The following ASCC3 variants were observed in gnomAD, a reference collection of about 807,000 sequenced individuals.
The protein encoded by ASCC3 is ASC-1 complex subunit P200.
A neutral mutation model predicts 256.3 loss-of-function variants in ASCC3; 158 were observed. The ratio of observed to expected loss-of-function variants is 0.62; its 90% CI spans 0.54 to 0.70. The LOEUF (loss-of-function observed/expected upper bound fraction) is 0.70, where lower values mean the gene tolerates loss of function less well. ASCC3 is among the 30% of genes least tolerant of loss of function. The pLI, the probability that ASCC3 is intolerant of heterozygous loss-of-function variation, is 0.00. For synonymous variants in ASCC3, 948 were observed against 883.4 expected, an observed-to-expected ratio of 1.07 and a Z score of -1.30; for missense variants, 2,259 against 2,626.0, an observed-to-expected ratio of 0.86 and a Z score of 3.05.
At chr6:100,803,902 C>T (rs527375557) in intron 5 of ASCC3, among the ~76,000 whole-genome samples, 1 of 151,996 alleles carries the variant, frequency 6.6e-6, no homozygotes, top group Non-Finnish European at 1.5e-5. Flanking sequence ...AAATTTCTTA[C>T]GCTCATATAC....
In ASCC3 at chr6:100,644,012, T is replaced by C; in HGVS notation, c.3732+19A>G. ...TTTTACAATAGCAAATAAGGATATA[T>C]TCACATATATACACTTACTTGTTTT... On this transcript the variant is annotated intron_variant, in intron 23 of 41. Coordinates refer to ENST00000369162, the MANE Select transcript of ASCC3 (RefSeq NM_006828.4). The C allele has an allele frequency of 6.5e-7, 1 of 1,538,964 alleles. No individual in the cohort carries two copies. The highest frequency in any genetic ancestry group is 9.0e-7 in the Non-Finnish European group (1 of 1,113,860).
At chr6:100,835,049 A>G (rs941379891) in intron 4 of ASCC3, among the ~76,000 whole-genome samples, 1 of 152,044 alleles carries the variant, frequency 6.6e-6, no homozygotes, top group African/African-American at 2.4e-5. Flanking sequence ...AAAACCATAT[A>G]ATGCATCAGT....
chr6:100,715,480 T>G lies in ASCC3; in HGVS notation c.2133A>C (p.Gln711His), dbSNP rs764796056. 6.2e-7 allele frequency: 1 copy of G among 1,611,472 alleles called. No individual in the cohort carries two copies. The highest frequency in any genetic ancestry group is 1.3e-5 in the African/African-American group (1 of 74,958). ...DEVCYENVLK[Q>H]VKAGHQVMVF... ...AGTGTACCTGGTGTCCAGCCTTTAC[T>G]TGCTTCAAAACATTTTCATAACATA... The change falls in exon 13 of 42, where the codon CAA (glutamine) becomes CAC (histidine). Residue 711 changes from glutamine to histidine, a missense_variant. This residue lies in a region of ASCC3 where 1,839 missense variants were observed against 2,206.7 expected (regional missense o/e 0.83). Transcript: ENST00000369162.
At chr6:100,690,034 C>G (rs1463404363) in intron 13 of ASCC3, among the ~76,000 whole-genome samples, 7 of 152,020 alleles carry the variant, frequency 4.6e-5, no homozygotes, top group African/African-American at 1.4e-4. Flanking sequence ...AAAAATTAAT[C>G]AAATGTATTA....
At chr6:100,864,362 T>G (rs1216090318) in intron 2 of ASCC3, 148 bp from the exon 3 acceptor site, 2 of 647,946 alleles carry the variant, frequency 3.1e-6, no homozygotes, top group Non-Finnish European at 5.1e-6. Context: ...AACTGACTAC[T>G]CACAAAACAA....
chr6:100,656,382 C>T (rs1050167784), intron 16 of ASCC3, among the ~76,000 whole-genome samples: 6 of 151,530 alleles, frequency 4.0e-5, no homozygotes, highest in South Asian at 4.1e-4. Flanking sequence ...CTGTTTTGCA[C>T]GAAACAAAGC....
chr6:100,817,859 T>A (rs1467737342), intron 4 of ASCC3, among the ~76,000 whole-genome samples: 1 of 152,060 alleles, frequency 6.6e-6, no homozygotes, highest in African/African-American at 2.4e-5. Context: ...TAATACTAAT[T>A]CCTCACACTC....
rs140277854 is a variant in ASCC3 at position 100,723,607 on chromosome 6, G to T, written c.1902+1932C>A. Among the ~76,000 whole-genome samples the T allele has an allele frequency of 1.5e-3, 228 of 150,894 alleles. 1 individual carries two copies. Among genetic ancestry groups the T allele is most frequent in the African/African-American group, 5.4e-3 (222 of 41,210 alleles). Reference sequence around the variant, plus strand: ...TTTCCACACTTGAATCTGAATCAGAGGTATTTAGAAAAAAATATAAAGAAT... The same window carrying T: ...TTTCCACACTTGAATCTGAATCAGATGTATTTAGAAAAAAATATAAAGAAT... On this transcript the variant is annotated intron_variant, in intron 11 of 41. Transcript: ENST00000369162.
intron 37 of ASCC3, among the ~76,000 whole-genome samples, chr6:100,531,224 T>C (rs534317326): frequency 2.1e-4 from 32 of 152,294 alleles, no homozygotes; most frequent in African/African-American, 6.5e-4. Flanking sequence ...ATTCTTCTAA[T>C]GGTGGTTTGG....
At chr6:100,695,896 C>A (rs1778058318) in intron 13 of ASCC3, among the ~76,000 whole-genome samples, 1 of 152,132 alleles carries the variant, frequency 6.6e-6, no homozygotes, top group Non-Finnish European at 1.5e-5. Flanking sequence ...ACGGTCTGTA[C>A]CCTGACCCAG....
At chr6:100,762,302 T>C (rs900846676) in intron 10 of ASCC3, among the ~76,000 whole-genome samples, 3 of 152,118 alleles carry the variant, frequency 2.0e-5, no homozygotes, top group Non-Finnish European at 4.4e-5. Flanking sequence ...TCAGAGCAAA[T>C]GCTTTGCTTT....
intron 36 of ASCC3, among the ~76,000 whole-genome samples, chr6:100,540,790 A>C (rs1252568573): frequency 6.6e-6 from 1 of 152,166 alleles, no homozygotes; most frequent in Non-Finnish European, 1.5e-5. Context: ...TTCTTATTTT[A>C]GAGGGTGAGG....
Position 100,766,548 on chromosome 6 carries a change from C to A in ASCC3, c.1737+17G>T. On this transcript the variant is annotated intron_variant, in intron 10 of 41. Coordinates refer to ENST00000369162, the MANE Select transcript of ASCC3 (RefSeq NM_006828.4). The stretch of plus-strand genomic sequence containing the variant: ...AAAAGAATGGTATTAAACAAAAAAT[C>A]TAGGTAAACAACATACCTGAGTTCG... 3 of 1,613,422 alleles carry A rather than the reference C, an allele frequency of 1.9e-6. No homozygotes were observed. The highest frequency in any genetic ancestry group is 1.1e-5 in the South Asian group (1 of 91,058).
rs546441404 is a variant in ASCC3 at position 100,802,134 on chromosome 6, A to G, written c.923-1630T>C. Among the ~76,000 whole-genome samples, 4 of 152,048 alleles carry G rather than the reference A, an allele frequency of 2.6e-5. No individual in the cohort carries two copies. The East Asian group carries it at 5.8e-4, about 22-fold the overall frequency. ...ATACTGGAATCCTGTAAGGCTGAGTATAACAGGCAATTTCAAAAAATCAAG... is the reference window on the plus strand; with the variant it reads ...ATACTGGAATCCTGTAAGGCTGAGTGTAACAGGCAATTTCAAAAAATCAAG... On this transcript the variant is annotated intron_variant, in intron 5 of 41. Transcript: ENST00000369162.
chr6:100,715,619 A>T, intron 12 of ASCC3, 86 bp from the exon 13 acceptor site: 1 of 1,089,130 alleles, frequency 9.2e-7, no homozygotes, highest in Non-Finnish European at 1.4e-6. Flanking sequence ...ATTACAATGC[A>T]TTTTTTAAGC....
At chr6:100,582,276 T>C (rs1771327650) in intron 36 of ASCC3, among the ~76,000 whole-genome samples, 1 of 152,260 alleles carries the variant, frequency 6.6e-6, no homozygotes, top group East Asian at 1.9e-4. Context: ...CAGTGGTTTG[T>C]AGTTCTCCTT....
intron 14 of ASCC3, among the ~76,000 whole-genome samples, chr6:100,673,182 G>T (rs893944673): frequency 1.3e-5 from 2 of 151,860 alleles, no homozygotes; most frequent in Non-Finnish European, 2.9e-5. Context: ...CCAGAGAGAG[G>T]ACCCTAATTA....
chr6:100,531,307 A>C (rs1248956910), intron 37 of ASCC3, among the ~76,000 whole-genome samples: 3 of 152,156 alleles, frequency 2.0e-5, no homozygotes, highest in Admixed American at 1.3e-4. Context: ...ACATCTGTGG[A>C]CCATCCTACT....
intron 13 of ASCC3, among the ~76,000 whole-genome samples, chr6:100,693,992 A>G (rs1346578349): frequency 6.6e-6 from 1 of 152,108 alleles, no homozygotes; most frequent in Non-Finnish European, 1.5e-5. Context: ...TTCCTGTGAC[A>G]CCTCAGAGCA....
Sources: allele counts gnomAD v4.1 joint callset (sites outside exome capture counted in the v4.1 genomes callset), GRCh38; gene constraint gnomAD v4.1.1; regional missense constraint gnomAD v4.1.1; transcripts MANE v1.5; gene names NCBI Gene and HGNC (gene_info 2026-07-23, HGNC 2026-07-21).